Variants in LMAN1L observed in about 807,000 individuals in gnomAD.
LMAN1L encodes the protein protein ERGIC-53-like.
In LMAN1L, 60 loss-of-function variants were observed where a neutral mutation model predicts 58.3. The observed-to-expected ratio is 1.03, with a 90% CI of 0.84 to 1.27. The LOEUF (loss-of-function observed/expected upper bound fraction) is 1.27, where lower values mean the gene tolerates loss of function less well. Among genes scored for constraint, LMAN1L ranks in the 50% most tolerant of loss-of-function variants. The probability of loss-of-function intolerance (pLI) is 0.00; values close to 1 mark genes in which losing one functional copy is unlikely to be tolerated. For missense variants in LMAN1L, 629 were observed against 674.0 expected, an observed-to-expected ratio of 0.93 and a Z score of 0.74; for synonymous variants, 280 against 271.6, an observed-to-expected ratio of 1.03 and a Z score of -0.31.
rs755561363 is a variant in LMAN1L at position 74,820,110 on chromosome 15, C to T, written c.774+11C>T. Reference sequence around the variant, plus strand: ...GAGCCCAGCCCAGAGGTGATGCCAGCCCTGGCCTACCTGGGAATGGCAGCC... The same window carrying T: ...GAGCCCAGCCCAGAGGTGATGCCAGTCCTGGCCTACCTGGGAATGGCAGCC... On this transcript the variant is annotated intron_variant, in intron 7 of 13. Transcript: ENST00000309664. The T allele has an allele frequency of 6.2e-7, 1 of 1,612,398 alleles. No homozygotes were observed. The highest frequency in any genetic ancestry group is 8.5e-7 in the Non-Finnish European group (1 of 1,178,458).
intron 8 of LMAN1L, 40 bp from the exon 9 acceptor site, chr15:74,821,035 C>T (rs2063914093): frequency 1.3e-6 from 2 of 1,532,404 alleles, no homozygotes; most frequent in East Asian, 2.4e-5. Flanking sequence ...GTTACCCCAC[C>T]ATGGCTGGCT....
In LMAN1L at chr15:74,825,676, TCTCCGTCTGGGTGCCCAG is replaced by T; in HGVS notation, c.*76_*93del. The T allele has an allele frequency of 5.3e-6, 8 of 1,519,402 alleles. No homozygotes were observed. Among genetic ancestry groups the T allele is most frequent in the Non-Finnish European group, 7.2e-6 (8 of 1,116,208 alleles). 94.1% of individuals were successfully genotyped at this position (1,519,402 alleles called of 1,614,324 possible). On this transcript the variant is annotated 3_prime_UTR_variant, in exon 14 of 14. Transcript: ENST00000309664. ...TTGGGTGGGGGCTTGGTCAGTATCC[TCTCCGTCTGGGTGCCCAG>T]CTCCCACGCACACCTGAGCTTTCGG...
chr15:74,819,165 G>A lies in LMAN1L; in HGVS notation c.611G>A (p.Ser204Asn), dbSNP rs779032826. 2 of 1,612,864 alleles carry A rather than the reference G, an allele frequency of 1.2e-6. No homozygotes were observed. Among genetic ancestry groups the A allele is most frequent in the Non-Finnish European group, 1.7e-6 (2 of 1,179,320 alleles). ...CATGTCCCTCAGATGTCCTTGAACA[G>A]TGGCCTCACTCCCAGTGATCCAGGT... is the stretch of plus-strand genomic sequence containing the variant. The part of the protein sequence containing the change: ...WGQRLRMSLN[S>N]GLTPSDPGEF... The change falls in exon 6 of 14, where the codon AGT becomes AAT. Residue 204 changes from serine (S) to asparagine (N), a missense_variant. By Grantham distance (46) the Ser-to-Asn change is conservative (BLOSUM62 1). Coordinates refer to ENST00000309664, the MANE Select transcript of LMAN1L (RefSeq NM_021819.3).
chr15:74,825,630 C>G lies in LMAN1L; in HGVS notation c.*25C>G. 6.3e-7 allele frequency: 1 copy of G among 1,596,828 alleles called. No individual in the cohort carries two copies. The highest frequency in any genetic ancestry group is 1.9e-4 in the Middle Eastern group (1 of 5,144). On this transcript the variant is annotated 3_prime_UTR_variant, in exon 14 of 14. Transcript: ENST00000309664. Reference sequence around the variant, plus strand: ...ACCCACCTCAGAGCCTGCTTTGCATCACTGGGAAGCAGGCAGTGTCTTGGG... The same window carrying G: ...ACCCACCTCAGAGCCTGCTTTGCATGACTGGGAAGCAGGCAGTGTCTTGGG...
At chr15:74,819,096 C>G (rs1007404491) in intron 5 of LMAN1L, 56 bp from the exon 6 acceptor site, 11 of 1,549,626 alleles carry the variant, frequency 7.1e-6, no homozygotes, top group African/African-American at 4.1e-5. Flanking sequence ...CCAGGGGAGC[C>G]AGGGAGTCAG....
At position 74,825,540 on chromosome 15, in the gene LMAN1L, C is replaced by T; in HGVS notation, c.1516C>T (p.Pro506Ser). ...STGSLPLGPA[P>S]HTPRALGILR... Reference sequence around the variant, plus strand: ...AGGCAGCCTTCCTCTGGGTCCTGCACCACACACCCCCAGGGCCCTGGGGAT... The same window carrying T: ...AGGCAGCCTTCCTCTGGGTCCTGCATCACACACCCCCAGGGCCCTGGGGAT... The change falls in exon 14 of 14, where the codon CCA (proline) becomes TCA (serine). Residue 506 changes from proline (P) to serine (S), a missense_variant. Pro to Ser is a moderately conservative substitution (Grantham distance 74). This residue lies in a region of LMAN1L where 53 missense variants were observed against 59.7 expected (regional missense o/e 0.89). Transcript: ENST00000309664. 6.2e-7 allele frequency: 1 copy of T among 1,613,712 alleles called. No individual in the cohort carries two copies. Among genetic ancestry groups the T allele is most frequent in the African/African-American group, 1.3e-5 (1 of 75,026 alleles).
chr15:74,817,962 G>A (rs932042942), intron 4 of LMAN1L, among the ~76,000 whole-genome samples: 9 of 150,020 alleles, frequency 6.0e-5, no homozygotes, highest in African/African-American at 2.0e-4. Context: ...GCAGTGAGCC[G>A]AGATCGCGCC....
chr15:74,822,748 C>T, intron 11 of LMAN1L, 39 bp downstream of exon 11: 2 of 1,496,058 alleles, frequency 1.3e-6, no homozygotes, highest in Admixed American at 1.7e-5. Flanking sequence ...CACCTTGTTT[C>T]TCCGCCTTAA....
In LMAN1L at chr15:74,824,366, G is replaced by GC. The variant is rs756869816; in HGVS notation, c.1345dup (p.Arg449ProfsTer?). The GC allele has an allele frequency of 6.2e-7, 1 of 1,613,924 alleles. No individual in the cohort carries two copies. Among genetic ancestry groups the GC allele is most frequent in the Non-Finnish European group, 8.5e-7 (1 of 1,179,878 alleles). ...CCCCTTTCAGAAGGCAGCAGCCAAGGCCCCCCGCCCACCTGGCCAGCCCCC... is the reference window on the plus strand; with the variant it reads ...CCCCTTTCAGAAGGCAGCAGCCAAGGCCCCCCCGCCCACCTGGCCAGCCCCC... On this transcript the variant is annotated frameshift_variant, in exon 13 of 14. Transcript: ENST00000309664. LOFTEE classifies it high-confidence loss of function.
At chr15:74,814,124 CAAAAA>C (rs550948566) in intron 1 of LMAN1L, among the ~76,000 whole-genome samples, 1 of 64,110 alleles carries the variant, frequency 1.6e-5, no homozygotes, top group Non-Finnish European at 3.4e-5. Flanking sequence ...GACTCTGGCT[CAAAAA>C]AAAAAAAAAA....
At chr15:74,823,417 C>A in intron 11 of LMAN1L, 142 bp from the exon 12 acceptor site, 1 of 775,974 alleles carries the variant, frequency 1.3e-6, no homozygotes, top group Non-Finnish European at 2.1e-6. Flanking sequence ...GGTGAAAAGA[C>A]CAGCCCCCAA....
chr15:74,819,376 C>T, intron 6 of LMAN1L, 104 bp downstream of exon 6: 1 of 1,433,722 alleles, frequency 7.0e-7, no homozygotes, highest in Non-Finnish European at 9.4e-7. Flanking sequence ...CACTTCACCA[C>T]ATGACCTGGG....
In LMAN1L at chr15:74,816,195, T is replaced by C. The variant is rs750674383; in HGVS notation, c.214T>C (p.Ser72Pro). The part of the protein sequence containing the change: ...LGLEEVRLTP[S>P]MRNRSGAVWS... The stretch of plus-strand genomic sequence containing the variant: ...CCTGGAGGAAGTGCGGCTGACGCCA[T>C]CCATGAGGAACCGGAGTGGCGCCGT... The change falls in exon 2 of 14, where the codon TCC becomes CCC. Residue 72 changes from serine (S) to proline (P), a missense_variant. Coordinates refer to ENST00000309664, the MANE Select transcript of LMAN1L (RefSeq NM_021819.3). The C allele has an allele frequency of 1.9e-6, 3 of 1,561,192 alleles. No homozygotes were observed. Among genetic ancestry groups the C allele is most frequent in the Non-Finnish European group, 2.6e-6 (3 of 1,153,156 alleles).
chr15:74,825,386 A>G lies in LMAN1L; in HGVS notation c.1452-90A>G, dbSNP rs1269140296. ...GAACAGCGGAGGTTGTGGTGCAGTG[A>G]GTGTAGCAAGGCAAGCATGAGAGTC... is the stretch of plus-strand genomic sequence containing the variant. On this transcript the variant is annotated intron_variant, in intron 13 of 13. Coordinates refer to ENST00000309664, the MANE Select transcript of LMAN1L (RefSeq NM_021819.3). The G allele has an allele frequency of 5.1e-6, 7 of 1,384,940 alleles. No individual in the cohort carries two copies. The Admixed American group carries it at 1.2e-4, about 23-fold the overall frequency. The allele number at this position is 1,384,940 out of a possible 1,614,324, so 85.8% of individuals were successfully genotyped here. A position where few individuals can be genotyped will look rare whatever the true frequency, so the allele number is the denominator to read the frequency against.
Position 74,813,581 on chromosome 15 carries a change from A to G in LMAN1L, c.175+552A>G, listed in dbSNP as rs553393132. On this transcript the variant is annotated intron_variant, in intron 1 of 13. Coordinates refer to ENST00000309664, the MANE Select transcript of LMAN1L (RefSeq NM_021819.3). The stretch of plus-strand genomic sequence containing the variant: ...TGTATTCAGGGACTTCCAAACCCAG[A>G]CCTACAAAGAGTGTGTCTTCTACCA... The G allele has an allele frequency of 2.7e-3, 1,092 of 404,912 alleles. 20 individuals carry two copies. Among genetic ancestry groups the G allele is most frequent in the South Asian group, 0.019 (1,051 of 55,624 alleles). The allele number at this position is 404,912 out of a possible 1,614,324, so 25.1% of individuals were successfully genotyped here.
At chr15:74,816,579 C>G (rs1402455925) in intron 3 of LMAN1L, 45 bp downstream of exon 3, 1 of 1,591,592 alleles carries the variant, frequency 6.3e-7, no homozygotes, top group Admixed American at 1.7e-5. Flanking sequence ...CCCGCTCACA[C>G]CCTCCCCCTC....
chr15:74,818,872 TGCGTGCC>T, intron 5 of LMAN1L, 55 bp downstream of exon 5: 1 of 1,475,398 alleles, frequency 6.8e-7, no homozygotes, highest in South Asian at 1.2e-5. Context: ...CTGCTATGTG[TGCGTGCC>T]CACGGCCCCA....
intron 13 of LMAN1L, chr15:74,825,201 A>G (rs2063935786): frequency 3.3e-6 from 1 of 300,478 alleles, no homozygotes; most frequent in African/African-American, 2.1e-5. Context: ...AAAATGAGCT[A>G]AGCTTTAAAA....
chr15:74,816,072 G>A (rs1462379302), intron 1 of LMAN1L, 85 bp from the exon 2 acceptor site: 38 of 1,459,416 alleles, frequency 2.6e-5, no homozygotes, highest in South Asian at 4.0e-5. Context: ...CTTCTCTTCC[G>A]GGAGCCCAGC....
Sources: gnomAD v4.1 joint callset for allele counts (sites outside exome capture counted in the v4.1 genomes callset) on GRCh38, gnomAD v4.1.1 for gene constraint, gnomAD v4.1.1 regional missense constraint, MANE v1.5 for transcripts, NCBI Gene and HGNC (gene_info 2026-07-23, HGNC 2026-07-21) for gene names.